Variants in KCNIP1 observed in about 807,000 individuals in gnomAD.
KCNIP1 encodes potassium voltage-gated channel interacting protein 1.
In KCNIP1, 18 loss-of-function variants were observed where a neutral mutation model predicts 33.0. The observed-to-expected ratio is 0.55, with a 90% CI of 0.38 to 0.81. The LOEUF is 0.81. Among genes scored for constraint, KCNIP1 ranks in the 30% least tolerant of loss-of-function variants. KCNIP1 has a pLI of 0.00. For synonymous variants in KCNIP1, 93 were observed against 98.3 expected (o/e 0.95, Z 0.32); for missense variants, 238 against 271.6 (o/e 0.88, Z 0.87).
chr5:170,582,808 T>C (rs1488857317), intron 1 of KCNIP1, among the ~76,000 whole-genome samples: 2 of 152,144 alleles, frequency 1.3e-5, no homozygotes, highest in Non-Finnish European at 2.9e-5. Flanking sequence ...CCAGAGGCAA[T>C]AAATGTGTGG....
At chr5:170,626,584 G>A (rs1337003835) in intron 1 of KCNIP1, among the ~76,000 whole-genome samples, 1 of 152,158 alleles carries the variant, frequency 6.6e-6, no homozygotes, top group African/African-American at 2.4e-5. Flanking sequence ...TGGACCAGGG[G>A]CAGAGACATT....
intron 1 of KCNIP1, among the ~76,000 whole-genome samples, chr5:170,458,275 G>T (rs755888907): frequency 6.6e-6 from 1 of 152,102 alleles, no homozygotes; most frequent in African/African-American, 2.4e-5. Flanking sequence ...AAACATATTC[G>T]GGGGAATAAT....
intron 1 of KCNIP1, among the ~76,000 whole-genome samples, chr5:170,398,586 T>C (rs548624125): frequency 6.6e-6 from 1 of 152,228 alleles, no homozygotes; most frequent in Non-Finnish European, 1.5e-5. Flanking sequence ...ATATGTTCAT[T>C]GGAAGTGAAA....
chr5:170,651,346 TG>T (rs1761035858), intron 1 of KCNIP1, among the ~76,000 whole-genome samples: 1 of 152,184 alleles, frequency 6.6e-6, no homozygotes, highest in Non-Finnish European at 1.5e-5. Flanking sequence ...GGAAGGCAGG[TG>T]GGTTCTAGAA....
chr5:170,548,660 A>C (rs1756502059), intron 1 of KCNIP1, among the ~76,000 whole-genome samples: 1 of 152,144 alleles, frequency 6.6e-6, no homozygotes, highest in South Asian at 2.1e-4. Flanking sequence ...TTTCTGTGTT[A>C]GTTCACTTCT....
chr5:170,479,437 A>G (rs1756925979), intron 1 of KCNIP1, among the ~76,000 whole-genome samples: 2 of 152,210 alleles, frequency 1.3e-5, no homozygotes, highest in Non-Finnish European at 2.9e-5. Context: ...TCTTCTTACA[A>G]GGATAGAGAA....
intron 1 of KCNIP1, among the ~76,000 whole-genome samples, chr5:170,387,586 T>C (rs1397761976): frequency 6.6e-6 from 1 of 152,160 alleles, no homozygotes; most frequent in African/African-American, 2.4e-5. Flanking sequence ...GGAGGTGAGT[T>C]TCTCCTGCAT....
At chr5:170,497,713 A>G (rs940500624) in intron 1 of KCNIP1, among the ~76,000 whole-genome samples, 3 of 152,214 alleles carry the variant, frequency 2.0e-5, no homozygotes, top group Admixed American at 1.3e-4. Flanking sequence ...GCTGGCACCC[A>G]TGAATTCCCT....
intron 1 of KCNIP1, among the ~76,000 whole-genome samples, chr5:170,427,093 T>C (rs1755631634): frequency 6.6e-6 from 1 of 152,224 alleles, no homozygotes; most frequent in Non-Finnish European, 1.5e-5. Context: ...TGCTTTCTGC[T>C]ACAACACAGG....
chr5:170,564,922 G>C (rs1757154874), intron 1 of KCNIP1, among the ~76,000 whole-genome samples: 1 of 151,990 alleles, frequency 6.6e-6, no homozygotes, highest in African/African-American at 2.4e-5. Flanking sequence ...GTGAGACTGA[G>C]AGATTTGTTT....
intron 1 of KCNIP1, among the ~76,000 whole-genome samples, chr5:170,460,761 A>C (rs935291844): frequency 1.3e-5 from 2 of 150,708 alleles, no homozygotes; most frequent in Non-Finnish European, 3.0e-5. Flanking sequence ...AAAGATGCCC[A>C]GTCTCACCAC....
At chr5:170,590,691 C>T (rs540319311) in intron 1 of KCNIP1, among the ~76,000 whole-genome samples, 1 of 152,336 alleles carries the variant, frequency 6.6e-6, no homozygotes, top group Admixed American at 6.5e-5. Context: ...TTCAAACAAT[C>T]AGATCCCCTG....
At chr5:170,446,367 C>G (rs1756116923) in intron 1 of KCNIP1, among the ~76,000 whole-genome samples, 1 of 151,604 alleles carries the variant, frequency 6.6e-6, no homozygotes, top group Admixed American at 6.6e-5. Context: ...AGTCTGAGCT[C>G]AAGTCTTGCT....
At chr5:170,682,683 C>T (rs1762389700) in intron 1 of KCNIP1, among the ~76,000 whole-genome samples, 1 of 151,978 alleles carries the variant, frequency 6.6e-6, no homozygotes, top group Non-Finnish European at 1.5e-5. Context: ...CCCTGTTCTC[C>T]ACCAGATTTC....
intron 1 of KCNIP1, among the ~76,000 whole-genome samples, chr5:170,474,897 G>GGAA (rs1756818890): frequency 6.6e-6 from 1 of 152,240 alleles, no homozygotes; most frequent in African/African-American, 2.4e-5. Context: ...CCACCGCGTA[G>GGAA]AAGGGGACCC....
chr5:170,404,806 C>G (rs1204774795), intron 1 of KCNIP1, among the ~76,000 whole-genome samples: 2 of 152,200 alleles, frequency 1.3e-5, no homozygotes, highest in African/African-American at 4.8e-5. Flanking sequence ...TTTTTGCAAT[C>G]TATCAGGACT....
intron 1 of KCNIP1, among the ~76,000 whole-genome samples, chr5:170,395,795 G>A (rs909468359): frequency 5.9e-5 from 9 of 152,230 alleles, no homozygotes; most frequent in African/African-American, 2.2e-4. Flanking sequence ...CACAAGAAAT[G>A]CCACTTTGGG....
At chr5:170,729,379 C>A (rs1010821552) in intron 5 of KCNIP1, among the ~76,000 whole-genome samples, 1 of 152,002 alleles carries the variant, frequency 6.6e-6, no homozygotes, top group Non-Finnish European at 1.5e-5. Context: ...CCTCAGTAGA[C>A]ATTCATCTTA....
At chr5:170,445,194 C>T (rs1216304869) in intron 1 of KCNIP1, among the ~76,000 whole-genome samples, 1 of 152,228 alleles carries the variant, frequency 6.6e-6, no homozygotes, top group Non-Finnish European at 1.5e-5. Flanking sequence ...TTTATAATCA[C>T]ATGAGCACCT....
Sources: gnomAD v4.1 joint callset for allele counts (sites outside exome capture counted in the v4.1 genomes callset) on GRCh38, gnomAD v4.1.1 for gene constraint, MANE v1.5 for transcripts, NCBI Gene and HGNC (gene_info 2026-07-23, HGNC 2026-07-21) for gene names.